Variants in MCOLN2 observed in about 807,000 individuals in gnomAD.
MCOLN2 encodes mucolipin-2.
Under a neutral mutation model 67.5 loss-of-function variants are expected in MCOLN2, and 57 were observed. The ratio of observed to expected loss-of-function variants is 0.84; its 90% CI spans 0.68 to 1.05. The LOEUF is 1.05. Ranked by LOEUF, MCOLN2 falls within the 50% of genes least tolerant of loss-of-function variation. The probability of loss-of-function intolerance (pLI) is 0.00; values close to 1 mark genes in which losing one functional copy is unlikely to be tolerated. For missense variants in MCOLN2, 620 were observed against 678.8 expected (o/e 0.91, Z 0.96); for synonymous variants, 246 against 233.3 (o/e 1.05, Z -0.50).
At chr1:84,969,028 AG>A (rs1649523376) in intron 1 of MCOLN2, among the ~76,000 whole-genome samples, 1 of 152,202 alleles carries the variant, frequency 6.6e-6, no homozygotes, top group Non-Finnish European at 1.5e-5. Flanking sequence ...AAAAGGCCCA[AG>A]AGGACAGGGT....
chr1:84,952,396 C>T, intron 5 of MCOLN2, 50 bp downstream of exon 5: 1 of 1,561,132 alleles, frequency 6.4e-7, no homozygotes. Flanking sequence ...ATACTATTCT[C>T]CTTCTCCCAC....
Position 84,985,151 on chromosome 1 carries a change from C to T in MCOLN2, c.77+11645G>A, listed in dbSNP as rs557178531. On this transcript the variant is annotated intron_variant, in intron 1 of 13. Coordinates refer to ENST00000370608, the MANE Select transcript of MCOLN2 (RefSeq NM_153259.4). Reference sequence around the variant, plus strand: ...GGAACGAACCCAGCATTTACCTCCTCAAGCTGACTTTGTGGTACAGATTCT... The same window carrying T: ...GGAACGAACCCAGCATTTACCTCCTTAAGCTGACTTTGTGGTACAGATTCT... Among the ~76,000 whole-genome samples the T allele has an allele frequency of 3.5e-3, 530 of 152,094 alleles. 4 individuals carry two copies. Among genetic ancestry groups the T allele is most frequent in the Non-Finnish European group, 6.7e-3 (455 of 68,004 alleles).
Position 84,996,982 on chromosome 1 carries a change from T to G in MCOLN2, c.-110A>C, listed in dbSNP as rs11161505. Reference sequence around the variant, plus strand: ...AACGCGTCCGCCGAAGTTGGAGCCCTGCAAAGCGGGGTTCCCTTCTCTTAC... The same window carrying G: ...AACGCGTCCGCCGAAGTTGGAGCCCGGCAAAGCGGGGTTCCCTTCTCTTAC... On this transcript the variant is annotated 5_prime_UTR_variant, in exon 1 of 14. Transcript: ENST00000370608. 450,554 of 971,056 alleles carry G rather than the reference T, an allele frequency of 0.46. 107,221 individuals carry two copies. The highest frequency in any genetic ancestry group is 0.59 in the East Asian group (23,288 of 39,474). The allele number at this position is 971,056 out of a possible 1,614,324, so 60.2% of individuals were successfully genotyped here. A position where few individuals can be genotyped will look rare whatever the true frequency, so the allele number is the denominator to read the frequency against.
Position 84,931,518 on chromosome 1 carries a change from A to T in MCOLN2, c.1386T>A (p.Gly462=), listed in dbSNP as rs150803301. ...GGGCAAAGGTTGCAAACATGTCATC[A>T]CCGTTGACCAGAGAAAACAGACACT... ...VAECLFSLVN[G]DDMFATFAQI... Residue 462 remains glycine (G), a synonymous_variant, in exon 12 of 14, where the codon GGT becomes GGA. Coordinates refer to ENST00000370608, the MANE Select transcript of MCOLN2 (RefSeq NM_153259.4). The T allele has an allele frequency of 4.6e-5, 75 of 1,614,110 alleles. 2 individuals carry two copies. In the East Asian group the frequency reaches 1.0e-3, roughly 22 times the overall value.
At chr1:84,960,557 G>C (rs943098608) in intron 2 of MCOLN2, among the ~76,000 whole-genome samples, 1 of 152,182 alleles carries the variant, frequency 6.6e-6, no homozygotes, top group Non-Finnish European at 1.5e-5. Flanking sequence ...TTGTGCAACT[G>C]CTAAAACTCA....
chr1:84,956,886 G>A (rs962195700), intron 3 of MCOLN2, among the ~76,000 whole-genome samples: 3 of 152,142 alleles, frequency 2.0e-5, no homozygotes, highest in African/African-American at 7.2e-5. Context: ...CTGCAAAGCT[G>A]CACTGCCCTC....
intron 1 of MCOLN2, among the ~76,000 whole-genome samples, chr1:84,987,469 TAG>T (rs1491405291): frequency 2.0e-5 from 2 of 100,042 alleles, no homozygotes; most frequent in Non-Finnish European, 3.9e-5. Flanking sequence ...TATGTATATA[TAG>T]ATATATATAC....
chr1:84,968,047 T>C (rs1444955410), intron 1 of MCOLN2, among the ~76,000 whole-genome samples: 2 of 152,098 alleles, frequency 1.3e-5, no homozygotes, highest in African/African-American at 4.8e-5. Context: ...GTTGCCACCA[T>C]TCAAGTACAC....
chr1:84,969,269 C>T (rs1350226908), intron 1 of MCOLN2, among the ~76,000 whole-genome samples: 2 of 152,170 alleles, frequency 1.3e-5, no homozygotes, highest in Admixed American at 6.5e-5. Flanking sequence ...TGAAGTTGGA[C>T]AGTCAGAAGT....
intron 13 of MCOLN2, among the ~76,000 whole-genome samples, chr1:84,927,008 C>CA (rs1478114000): frequency 6.8e-6 from 1 of 146,958 alleles, no homozygotes; most frequent in East Asian, 2.0e-4. Context: ...TCCATGCCCC[C>CA]AGGGAGGGGA....
chr1:84,952,323 T>G lies in MCOLN2; in HGVS notation c.667A>C (p.Ile223Leu). The G allele has an allele frequency of 1.2e-6, 2 of 1,613,086 alleles. No individual in the cohort carries two copies. The highest frequency in any genetic ancestry group is 1.7e-6 in the Non-Finnish European group (2 of 1,179,294). ...LEFYRLLQVE[I>L]SFHLKGIDLQ... is the part of the protein sequence containing the mutation. ...TCAATGCCTTTAAGATGAAAGGAGA[T>G]TTCAACCTGTAAGAGCCTGAATAAA... Residue 223 changes from isoleucine to leucine, a missense_variant, in exon 6 of 14, where the codon ATC becomes CTC. Coordinates refer to ENST00000370608, the MANE Select transcript of MCOLN2 (RefSeq NM_153259.4).
intron 1 of MCOLN2, among the ~76,000 whole-genome samples, chr1:84,971,453 C>T (rs1163519237): frequency 6.6e-6 from 1 of 151,112 alleles, no homozygotes; most frequent in African/African-American, 2.4e-5. Context: ...CTCCCTCTTC[C>T]CCATTTGTAG....
chr1:84,968,164 G>C (rs544328176), intron 1 of MCOLN2, among the ~76,000 whole-genome samples: 67 of 152,266 alleles, frequency 4.4e-4, no homozygotes, highest in Non-Finnish European at 9.4e-4. Context: ...TACAGAGAAG[G>C]CCAGAGTGGT....
In MCOLN2 at chr1:84,936,865, C is replaced by A. The variant is rs1199772014; in HGVS notation, c.1335+890G>T. 2.0e-5 allele frequency among the ~76,000 whole-genome samples: 3 copies of A among 152,186 alleles called. No homozygotes were observed. The East Asian group carries it at 5.8e-4, about 29-fold the overall frequency. On this transcript the variant is annotated intron_variant, in intron 11 of 13. Coordinates refer to ENST00000370608, the MANE Select transcript of MCOLN2 (RefSeq NM_153259.4). ...TATACAAACTTGGAAGGAATACTTA[C>A]CATTTTTAACCTCTTTTCTCCTTGC...
intron 1 of MCOLN2, among the ~76,000 whole-genome samples, chr1:84,996,428 AT>A (rs1279580988): frequency 2.5e-5 from 3 of 119,592 alleles, no homozygotes; most frequent in African/African-American, 9.5e-5. Flanking sequence ...ATATATATAT[AT>A]ATGTTTGGAG....
In MCOLN2 at chr1:84,926,140, C is replaced by T. The variant is rs1211451664; in HGVS notation, c.*545G>A. 1 of 152,530 alleles carries T rather than the reference C, an allele frequency of 6.6e-6. No individual in the cohort carries two copies. Among genetic ancestry groups the T allele is most frequent in the East Asian group, 1.9e-4 (1 of 5,198 alleles). 9.4% of individuals were successfully genotyped at this position (152,530 alleles called of 1,614,324 possible). Reference sequence around the variant, plus strand: ...CCTGAGCTCAGTCTGCCTGCCTAGGCCTCCCAAAGTGCTGGGATTACAGGT... The same window carrying T: ...CCTGAGCTCAGTCTGCCTGCCTAGGTCTCCCAAAGTGCTGGGATTACAGGT... On this transcript the variant is annotated 3_prime_UTR_variant, in exon 14 of 14. Coordinates refer to ENST00000370608, the MANE Select transcript of MCOLN2 (RefSeq NM_153259.4).
At chr1:84,940,288 A>G (rs1252608032) in intron 8 of MCOLN2, among the ~76,000 whole-genome samples, 1 of 152,124 alleles carries the variant, frequency 6.6e-6, no homozygotes, top group African/African-American at 2.4e-5. Flanking sequence ...CACAAATGGT[A>G]CTCTGTGGAC....
intron 7 of MCOLN2, among the ~76,000 whole-genome samples, chr1:84,945,807 C>T (rs1386205827): frequency 2.0e-5 from 3 of 152,130 alleles, no homozygotes; most frequent in Non-Finnish European, 4.4e-5. Flanking sequence ...AGTGCAGTGG[C>T]ATGATCTCGG....
At chr1:84,956,248 T>A (rs1244041847) in intron 4 of MCOLN2, among the ~76,000 whole-genome samples, 183 bp downstream of exon 4, 1 of 152,066 alleles carries the variant, frequency 6.6e-6, no homozygotes, top group Admixed American at 6.5e-5. Flanking sequence ...CCCTGTCCCA[T>A]CGCCACAACC....
Sources: gnomAD v4.1 joint callset for allele counts (sites outside exome capture counted in the v4.1 genomes callset) on GRCh38, gnomAD v4.1.1 for gene constraint, MANE v1.5 for transcripts, NCBI Gene and HGNC (gene_info 2026-07-23, HGNC 2026-07-21) for gene names.